DAB1: variants seen among roughly 807,000 people sequenced by gnomAD.
DAB1 encodes the protein DAB adaptor protein 1.
A neutral mutation model predicts 64.6 loss-of-function variants in DAB1; 15 were observed. That is an observed-to-expected ratio of 0.23 (90% CI 0.16 to 0.36). DAB1 has a LOEUF of 0.36. Among genes scored for constraint, DAB1 ranks in the 10% least tolerant of loss-of-function variants. The pLI is 1.00. For missense variants in DAB1, 596 were observed against 706.7 expected, an observed-to-expected ratio of 0.84 and a Z score of 1.78; for synonymous variants, 235 against 251.9, an observed-to-expected ratio of 0.93 and a Z score of 0.64.
At chr1:57,754,536 A>T (rs1648707817) in intron 6 of DAB1, among the ~76,000 whole-genome samples, 1 of 151,970 alleles carries the variant, frequency 6.6e-6, no homozygotes, top group African/African-American at 2.4e-5. Context: ...AAATGCAAAA[A>T]TTAGGCGGGC....
chr1:58,078,030 G>A (rs770094686), intron 5 of DAB1: 16 of 152,230 alleles, frequency 1.1e-4, no homozygotes, highest in Admixed American at 9.8e-4. Context: ...CATGCCTGCT[G>A]GCCCCAGGGA....
At chr1:57,044,985 T>A (rs1648279790) in intron 9 of DAB1, among the ~76,000 whole-genome samples, 1 of 152,234 alleles carries the variant, frequency 6.6e-6, no homozygotes, top group South Asian at 2.1e-4. Context: ...GTGCTGTTAC[T>A]CGCCTTGTTT....
upstream of DAB1, among the ~76,000 whole-genome samples, chr1:57,885,722 G>A (rs1254905422): frequency 6.6e-6 from 1 of 152,102 alleles, no homozygotes; most frequent in Non-Finnish European, 1.5e-5. Context: ...AGTATGGTGT[G>A]GCCAAAAGCA....
intron 3 of DAB1, among the ~76,000 whole-genome samples, chr1:58,391,774 C>T (rs1054451140): frequency 5.3e-5 from 8 of 152,174 alleles, no homozygotes; most frequent in African/African-American, 9.7e-5. Flanking sequence ...CTCTTAGTGT[C>T]GTCTTGCAAT....
At chr1:57,273,103 T>C (rs1295918684) in intron 2 of DAB1, among the ~76,000 whole-genome samples, 4 of 152,220 alleles carry the variant, frequency 2.6e-5, no homozygotes, top group Non-Finnish European at 5.9e-5. Context: ...TTTGCCTATG[T>C]GGCATGGGCT....
chr1:58,075,583 A>T (rs924468082), intron 5 of DAB1, among the ~76,000 whole-genome samples: 2 of 152,296 alleles, frequency 1.3e-5, no homozygotes, highest in Admixed American at 6.5e-5. Context: ...AACCATCTTG[A>T]TTTGTGTATG....
chr1:58,187,297 A>T (rs987482629), intron 4 of DAB1, among the ~76,000 whole-genome samples: 61 of 147,452 alleles, frequency 4.1e-4, no homozygotes, highest in Non-Finnish European at 8.9e-4. Flanking sequence ...TAACTCTACA[A>T]AAAAAAAAAA....
intron 6 of DAB1, among the ~76,000 whole-genome samples, chr1:57,738,887 C>A (rs1469064936): frequency 6.6e-6 from 1 of 152,166 alleles, no homozygotes; most frequent in Non-Finnish European, 1.5e-5. Flanking sequence ...GAGGAAGATG[C>A]AAGATTGCCA....
intron 7 of DAB1, among the ~76,000 whole-genome samples, chr1:57,545,749 A>G (rs1644849290): frequency 6.6e-6 from 1 of 152,110 alleles, no homozygotes. Context: ...CGTTTTACTA[A>G]TAGTTTGCAT....
intron 3 of DAB1, among the ~76,000 whole-genome samples, chr1:58,343,771 T>C (rs1025702396): frequency 1.3e-5 from 2 of 152,210 alleles, no homozygotes; most frequent in Non-Finnish European, 2.9e-5. Context: ...ATGTGCTTTC[T>C]AGGGTGGTTG....
At chr1:57,301,560 G>C (rs1010732884) in intron 1 of DAB1, among the ~76,000 whole-genome samples, 1 of 152,118 alleles carries the variant, frequency 6.6e-6, no homozygotes, top group African/African-American at 2.4e-5. Context: ...TATTTAACAT[G>C]GGCCTCCCTG....
intron 6 of DAB1, among the ~76,000 whole-genome samples, chr1:57,738,318 A>G (rs564537319): frequency 6.6e-6 from 1 of 152,318 alleles, no homozygotes; most frequent in South Asian, 2.1e-4. Flanking sequence ...TTATAAGTCA[A>G]TTCATGTTGC....
At chr1:57,910,778 G>A (rs1644631874) in intron 5 of DAB1, among the ~76,000 whole-genome samples, 1 of 152,188 alleles carries the variant, frequency 6.6e-6, no homozygotes. Flanking sequence ...TTAAATGTTG[G>A]CCTGCATTAT....
In DAB1 at chr1:57,072,340, T is replaced by G. The variant is rs777183613; in HGVS notation, c.381A>C (p.Gly127=). The part of the protein sequence containing the change: ...AKDITDHRAF[G]YVCGKEGNHR... ...GATTCCCTTCCTTCCCACAAACATATCCAAAGGCCCGGTGATCTGTAATGT... is the reference window on the plus strand; with the variant it reads ...GATTCCCTTCCTTCCCACAAACATAGCCAAAGGCCCGGTGATCTGTAATGT... Residue 127 remains glycine, a synonymous_variant, in exon 5 of 15, where the codon GGA becomes GGC. Coordinates refer to ENST00000371236, the MANE Select transcript of DAB1 (RefSeq NM_001365792.1). The G allele has an allele frequency of 6.2e-6, 10 of 1,613,740 alleles. No homozygotes were observed. The highest frequency in any genetic ancestry group is 1.3e-5 in the African/African-American group (1 of 74,964).
At chr1:57,926,395 A>C (rs970395078) in intron 5 of DAB1, among the ~76,000 whole-genome samples, 4 of 152,186 alleles carry the variant, frequency 2.6e-5, no homozygotes, top group African/African-American at 9.7e-5. Flanking sequence ...AAGAACTTGC[A>C]GGTTTCACAT....
chr1:57,312,202 A>G (rs529058785), intron 1 of DAB1, among the ~76,000 whole-genome samples: 1 of 152,370 alleles, frequency 6.6e-6, no homozygotes, highest in Admixed American at 6.5e-5. Context: ...CACTCAAAAA[A>G]TAAAATCCAG....
intron 3 of DAB1, among the ~76,000 whole-genome samples, chr1:58,367,083 A>G (rs141364882): frequency 8.9e-4 from 135 of 152,314 alleles, no homozygotes; most frequent in Middle Eastern, 6.8e-3. Context: ...TGAATTACAT[A>G]TGGTACTATC....
chr1:57,248,409 G>C (rs1308467566), intron 2 of DAB1, among the ~76,000 whole-genome samples: 1 of 152,020 alleles, frequency 6.6e-6, no homozygotes, highest in Non-Finnish European at 1.5e-5. Flanking sequence ...CTTTAGGGCT[G>C]AATCTATAGC....
At chr1:58,215,401 G>GTT (rs57757954) in intron 4 of DAB1, among the ~76,000 whole-genome samples, 38 of 145,782 alleles carry the variant, frequency 2.6e-4, no homozygotes, top group Admixed American at 6.8e-4. Flanking sequence ...CCATGATAGT[G>GTT]TTTTTTTTTT....
Sources: allele counts gnomAD v4.1 joint callset (sites outside exome capture counted in the v4.1 genomes callset), GRCh38; gene constraint gnomAD v4.1.1; transcripts MANE v1.5; gene names NCBI Gene and HGNC (gene_info 2026-07-23, HGNC 2026-07-21).